CFAP161: variants seen among roughly 807,000 people sequenced by gnomAD.
CFAP161 encodes the protein cilia and flagella associated protein 161.
A neutral mutation model predicts 29.0 loss-of-function variants in CFAP161; 25 were observed. That is an observed-to-expected ratio of 0.86 (90% CI 0.63 to 1.20). The LOEUF is 1.20. CFAP161 is among the 50% of genes most tolerant of loss of function. The pLI is 0.00. For synonymous variants in CFAP161, 116 were observed against 137.4 expected (o/e 0.84, Z 1.09); for missense variants, 367 against 371.9 (o/e 0.99, Z 0.11).
intron 1 of CFAP161, among the ~76,000 whole-genome samples, chr15:81,125,086 A>G (rs1567154310): frequency 2.1e-5 from 3 of 140,332 alleles, no homozygotes. Flanking sequence ...TTACAGAAAA[A>G]GTTTATTTAA....
In CFAP161 at chr15:81,148,691, T is replaced by G; in HGVS notation, c.*158T>G. The G allele has an allele frequency of 3.1e-6, 2 of 641,208 alleles. No individual in the cohort carries two copies. Among genetic ancestry groups the G allele is most frequent in the Non-Finnish European group, 4.8e-6 (2 of 417,758 alleles). The allele number at this position is 641,208 out of a possible 1,614,324, so 39.7% of individuals were successfully genotyped here. On this transcript the variant is annotated 3_prime_UTR_variant, in exon 7 of 7. Transcript: ENST00000286732. ...TAAAGATTACATTAAGATTATTGAA[T>G]TTGTGGTGGGAGTCTAGGGCTGAAG...
chr15:81,103,873 G>T (rs1192257997), intron 1 of CFAP161, among the ~76,000 whole-genome samples: 1 of 152,212 alleles, frequency 6.6e-6, no homozygotes, highest in Non-Finnish European at 1.5e-5. Flanking sequence ...GTGTTGGAAT[G>T]AATTGGAGGG....
chr15:81,138,478 C>T (rs1894850514), intron 4 of CFAP161, among the ~76,000 whole-genome samples: 1 of 152,146 alleles, frequency 6.6e-6, no homozygotes, highest in African/African-American at 2.4e-5. Context: ...CAAATGTTGC[C>T]AATGCTAGCA....
chr15:81,125,568 A>G lies in CFAP161; in HGVS notation c.-141-2022A>G, dbSNP rs534192364. ...TTGAAGACATTTTTATTTTTATGTT[A>G]TCAGTAATTTAAAAACCAGTTTATT... On this transcript the variant is annotated intron_variant, in intron 1 of 4. Transcript: ENST00000560091. Among the ~76,000 whole-genome samples, 3 of 152,342 alleles carry G rather than the reference A, an allele frequency of 2.0e-5. No individual in the cohort carries two copies. The East Asian group carries it at 5.8e-4, about 29-fold the overall frequency.
At position 81,143,547 on chromosome 15, in the gene CFAP161, A is replaced by C. The variant is rs914366837; in HGVS notation, c.478-115A>C. The stretch of plus-strand genomic sequence containing the variant: ...GCTTTCTCATACAATCAGTAAGAAC[A>C]GAGTTTTTGAGAACTGCTTTGAATG... On this transcript the variant is annotated intron_variant, in intron 4 of 6. Transcript: ENST00000286732. 3.6e-5 allele frequency: 42 copies of C among 1,177,000 alleles called. 1 individual carries two copies. The highest frequency in any genetic ancestry group is 4.7e-5 in the Non-Finnish European group (39 of 824,690). 72.9% of individuals were successfully genotyped at this position (1,177,000 alleles called of 1,614,324 possible). A position where few individuals can be genotyped will look rare whatever the true frequency, so the allele number is the denominator to read the frequency against.
chr15:81,126,148 C>G (rs12899632), intron 1 of CFAP161, among the ~76,000 whole-genome samples: 5 of 152,070 alleles, frequency 3.3e-5, no homozygotes, highest in Non-Finnish European at 7.3e-5. Flanking sequence ...GGATTACAGG[C>G]GCGAGCCACC....
intron 1 of CFAP161, among the ~76,000 whole-genome samples, chr15:81,134,682 T>G (rs2141877593): frequency 6.6e-6 from 1 of 152,250 alleles, no homozygotes; most frequent in Non-Finnish European, 1.5e-5. Flanking sequence ...GGCCTGTGTC[T>G]CCCGCTTAGT....
chr15:81,105,230 CTCTT>C (rs1403092510), intron 1 of CFAP161, among the ~76,000 whole-genome samples: 7 of 72,508 alleles, frequency 9.7e-5, no homozygotes, highest in African/African-American at 3.1e-4. Flanking sequence ...ACCCTCCCCC[CTCTT>C]TCTTTCTCTC....
intron 1 of CFAP161, among the ~76,000 whole-genome samples, chr15:81,125,847 C>G (rs1473707181): frequency 6.6e-6 from 1 of 152,030 alleles, no homozygotes; most frequent in Non-Finnish European, 1.5e-5. Context: ...TATAACAACT[C>G]ATTGTTTTTT....
chr15:81,118,779 G>T (rs1195729345), intron 1 of CFAP161, among the ~76,000 whole-genome samples: 1 of 152,238 alleles, frequency 6.6e-6, no homozygotes, highest in Non-Finnish European at 1.5e-5. Flanking sequence ...TATTTTTATT[G>T]AACTTATATA....
At chr15:81,147,127 A>G (rs951070373) in intron 5 of CFAP161, among the ~76,000 whole-genome samples, 1 of 151,850 alleles carries the variant, frequency 6.6e-6, no homozygotes, top group Non-Finnish European at 1.5e-5. Flanking sequence ...AGATTCACCG[A>G]GCACAAGACG....
At chr15:81,101,148 G>T (rs1180563288) in intron 1 of CFAP161, among the ~76,000 whole-genome samples, 1 of 152,158 alleles carries the variant, frequency 6.6e-6, no homozygotes, top group African/African-American at 2.4e-5. Context: ...TTAACAACCT[G>T]CCCTGACTAA....
chr15:81,120,500 G>T (rs760394590), intron 1 of CFAP161, among the ~76,000 whole-genome samples: 2 of 152,334 alleles, frequency 1.3e-5, no homozygotes, highest in East Asian at 3.9e-4. Context: ...AGGCCCAATG[G>T]TTCCCACCTG....
At chr15:81,120,460 A>C (rs373994589) in intron 1 of CFAP161, among the ~76,000 whole-genome samples, 5 of 152,320 alleles carry the variant, frequency 3.3e-5, no homozygotes, top group East Asian at 1.9e-4. Context: ...AACAGAGCTA[A>C]AACTGAAAAA....
intron 1 of CFAP161, among the ~76,000 whole-genome samples, chr15:81,114,403 G>A (rs1000729100): frequency 6.6e-6 from 1 of 152,168 alleles, no homozygotes; most frequent in East Asian, 1.9e-4. Context: ...TATGATAGTG[G>A]AGGATCTTGC....
intron 1 of CFAP161, among the ~76,000 whole-genome samples, chr15:81,124,714 A>C (rs939988913): frequency 3.3e-5 from 5 of 152,080 alleles, no homozygotes; most frequent in Admixed American, 2.6e-4. Flanking sequence ...TCAGAGATTC[A>C]GTTTCTTCCT....
chr15:81,128,763 C>T (rs749442396), intron 2 of CFAP161, among the ~76,000 whole-genome samples: 43 of 152,080 alleles, frequency 2.8e-4, no homozygotes, highest in Non-Finnish European at 4.7e-4. Flanking sequence ...ATTTACTTCA[C>T]CCAGATTCAT....
intron 3 of CFAP161, among the ~76,000 whole-genome samples, 167 bp from the exon 4 acceptor site, chr15:81,137,884 C>T (rs1360804566): frequency 2.0e-5 from 3 of 152,078 alleles, no homozygotes; most frequent in Non-Finnish European, 4.4e-5. Context: ...GATTTTAAGA[C>T]CAAAAGAAAA....
intron 1 of CFAP161, among the ~76,000 whole-genome samples, chr15:81,105,440 C>T (rs542590594): frequency 6.7e-5 from 10 of 148,996 alleles, no homozygotes; most frequent in Non-Finnish European, 1.0e-4. Context: ...TTTTCTGAGA[C>T]GGGGTCTCAC....
Sources: allele counts gnomAD v4.1 joint callset (sites outside exome capture counted in the v4.1 genomes callset), GRCh38; gene constraint gnomAD v4.1.1; transcripts MANE v1.5; gene names NCBI Gene and HGNC (gene_info 2026-07-23, HGNC 2026-07-21).